Variants in CCBE1 observed in about 807,000 individuals in gnomAD.
The protein encoded by CCBE1 is collagen and calcium binding EGF domains 1.
CCBE1 carries 37 observed loss-of-function variants against 50.0 expected under a neutral mutation model. That is an observed-to-expected ratio of 0.74 (90% CI 0.57 to 0.97). CCBE1 has a LOEUF of 0.97. Ranked by LOEUF, CCBE1 falls within the 50% of genes least tolerant of loss-of-function variation. The pLI is 0.00. For synonymous variants in CCBE1, 234 were observed against 203.7 expected, an observed-to-expected ratio of 1.15 and a Z score of -1.27; for missense variants, 538 against 523.8, an observed-to-expected ratio of 1.03 and a Z score of -0.26.
chr18:59,551,943 T>G (rs1915944189), intron 2 of CCBE1, among the ~76,000 whole-genome samples: 1 of 152,200 alleles, frequency 6.6e-6, no homozygotes, highest in African/African-American at 2.4e-5. Flanking sequence ...CAGCACCCAT[T>G]ATTTGCTCAT....
intron 2 of CCBE1, among the ~76,000 whole-genome samples, chr18:59,533,087 T>TC (rs751527987): frequency 2.6e-5 from 4 of 152,230 alleles, no homozygotes; most frequent in Admixed American, 6.5e-5. Flanking sequence ...TTCTCTTTTT[T>TC]CCCCCTCTTC....
intron 9 of CCBE1, among the ~76,000 whole-genome samples, chr18:59,438,698 G>A (rs901879591): frequency 3.9e-5 from 6 of 152,212 alleles, no homozygotes; most frequent in African/African-American, 1.4e-4. Flanking sequence ...TTTGGGGTTG[G>A]TTTTGGAATT....
At chr18:59,486,916 C>T (rs656008) in intron 2 of CCBE1, among the ~76,000 whole-genome samples, 39,677 of 151,458 alleles carry the variant, frequency 0.26, 5,453 homozygotes, top group African/African-American at 0.29. Context: ...ATTACCAAAT[C>T]TCAGTGACAA....
At chr18:59,583,703 G>A (rs1449621273) in intron 2 of CCBE1, among the ~76,000 whole-genome samples, 2 of 149,178 alleles carry the variant, frequency 1.3e-5, no homozygotes, top group African/African-American at 5.0e-5. Flanking sequence ...GCGCGCGCGT[G>A]TGTGTGTATG....
chr18:59,577,119 T>A (rs1479959752), intron 2 of CCBE1, among the ~76,000 whole-genome samples: 1 of 152,166 alleles, frequency 6.6e-6, no homozygotes, highest in African/African-American at 2.4e-5. Flanking sequence ...TTGCGGTGGG[T>A]CTGTTTCTGA....
intron 2 of CCBE1, among the ~76,000 whole-genome samples, chr18:59,642,764 G>A (rs2043038): frequency 0.46 from 70,094 of 151,556 alleles, 17,597 homozygotes; most frequent in Non-Finnish European, 0.56. Context: ...CCTGGCCAAC[G>A]TGGTGAAACC....
At chr18:59,656,206 C>G (rs1568257054) in intron 2 of CCBE1, among the ~76,000 whole-genome samples, 1 of 152,132 alleles carries the variant, frequency 6.6e-6, no homozygotes, top group Non-Finnish European at 1.5e-5. Flanking sequence ...TCAATTGAAT[C>G]AGAAAAAGTG....
chr18:59,552,076 C>A (rs1200218774), intron 2 of CCBE1, among the ~76,000 whole-genome samples: 1 of 152,222 alleles, frequency 6.6e-6, no homozygotes, highest in Non-Finnish European at 1.5e-5. Flanking sequence ...ACAACTGGTA[C>A]CTTGGTGCCA....
At position 59,439,053 on chromosome 18, in the gene CCBE1, G is replaced by A. The variant is rs188452774; in HGVS notation, c.951+490C>T. Among the ~76,000 whole-genome samples the A allele has an allele frequency of 3.0e-3, 464 of 152,276 alleles. 3 individuals carry two copies. The highest frequency in any genetic ancestry group is 4.7e-3 in the Non-Finnish European group (319 of 68,020). On this transcript the variant is annotated intron_variant, in intron 9 of 10. Transcript: ENST00000439986. ...TGTAATCCCAGCACTTGGGGAGGCC[G>A]AGGTGGGCGGATCACGAAGTCAGGA...
chr18:59,552,371 T>C (rs1334495492), intron 2 of CCBE1, among the ~76,000 whole-genome samples: 3 of 152,224 alleles, frequency 2.0e-5, no homozygotes, highest in African/African-American at 7.2e-5. Flanking sequence ...GAGTGTTTCG[T>C]CAGAGGGTCA....
At chr18:59,473,165 A>G (rs547207231) in intron 3 of CCBE1, among the ~76,000 whole-genome samples, 1 of 152,316 alleles carries the variant, frequency 6.6e-6, no homozygotes, top group African/African-American at 2.4e-5. Context: ...AAAATGTCAT[A>G]AAAGGGGTAA....
intron 2 of CCBE1, among the ~76,000 whole-genome samples, chr18:59,492,809 G>A (rs1223050170): frequency 6.6e-6 from 1 of 152,198 alleles, no homozygotes; most frequent in African/African-American, 2.4e-5. Flanking sequence ...CACCTAAAGA[G>A]GCCCAGAGAA....
chr18:59,515,014 T>G (rs1914307537), intron 2 of CCBE1, among the ~76,000 whole-genome samples: 1 of 152,220 alleles, frequency 6.6e-6, no homozygotes, highest in African/African-American at 2.4e-5. Context: ...TATTTTACTT[T>G]TTAAATTTAT....
chr18:59,549,456 G>T (rs542219798), intron 2 of CCBE1, among the ~76,000 whole-genome samples: 3 of 152,108 alleles, frequency 2.0e-5, no homozygotes, highest in Admixed American at 2.0e-4. Context: ...AATTAAGAGC[G>T]TCTAATATTT....
intron 2 of CCBE1, among the ~76,000 whole-genome samples, chr18:59,569,252 C>T (rs187619366): frequency 1.1e-4 from 17 of 152,282 alleles, no homozygotes; most frequent in Non-Finnish European, 4.4e-5. Context: ...CTTTATTGTA[C>T]CAGCTTGCCA....
chr18:59,650,063 C>T (rs961240576), intron 2 of CCBE1, among the ~76,000 whole-genome samples: 3 of 152,140 alleles, frequency 2.0e-5, no homozygotes, highest in Non-Finnish European at 2.9e-5. Context: ...CCAAAGTCCG[C>T]TCTCCTTCCT....
rs139057305 is a variant in CCBE1 at position 59,628,569 on chromosome 18, C to T, written c.212+68060G>A. Among the ~76,000 whole-genome samples the T allele has an allele frequency of 7.3e-3, 1,114 of 152,318 alleles. 7 individuals are homozygous for T. The highest frequency in any genetic ancestry group is 0.012 in the Non-Finnish European group (818 of 68,034). ...ACATTCCCTGTAACCACCGCGATGT[C>T]CATGGCTTCGTGGGATGGATGGGAG... On this transcript the variant is annotated intron_variant, in intron 2 of 10. Transcript: ENST00000439986.
chr18:59,659,950 G>C lies in CCBE1; in HGVS notation c.212+36679C>G, dbSNP rs528731992. Among the ~76,000 whole-genome samples, 35 of 152,280 alleles carry C rather than the reference G, an allele frequency of 2.3e-4. 1 individual carries two copies. The South Asian group carries it at 7.3e-3, about 32-fold the overall frequency. ...CCCTTTATCCCTAGGACCTCGCTAT[G>C]CAATGCTTTCCTTTTCTCTGTCTAG... On this transcript the variant is annotated intron_variant, in intron 2 of 10. Coordinates refer to ENST00000439986, the MANE Select transcript of CCBE1 (RefSeq NM_133459.4).
chr18:59,502,671 T>G (rs1568174494), intron 2 of CCBE1, among the ~76,000 whole-genome samples: 1 of 151,890 alleles, frequency 6.6e-6, no homozygotes, highest in Non-Finnish European at 1.5e-5. Flanking sequence ...GCTTTGTGGA[T>G]CTAATTTCCT....
Sources: gnomAD v4.1 joint callset for allele counts (sites outside exome capture counted in the v4.1 genomes callset) on GRCh38, gnomAD v4.1.1 for gene constraint, MANE v1.5 for transcripts, NCBI Gene and HGNC (gene_info 2026-07-23, HGNC 2026-07-21) for gene names.